TUBA4B: variants seen among roughly 807,000 people sequenced by gnomAD.
TUBA4B encodes the protein tubulin-like protein alpha-4B.
In TUBA4B, 13 loss-of-function variants were observed where a neutral mutation model predicts 18.4. That is an observed-to-expected ratio of 0.71 (90% confidence interval 0.46 to 1.12). TUBA4B has a LOEUF of 1.12. Among genes scored for constraint, TUBA4B ranks in the 50% most tolerant of loss-of-function variants. The pLI, the probability that TUBA4B is intolerant of heterozygous loss-of-function variation, is 0.00. For missense variants in TUBA4B, 244 were observed against 250.0 expected, an observed-to-expected ratio of 0.98 and a Z score of 0.16; for synonymous variants, 101 against 99.1, an observed-to-expected ratio of 1.02 and a Z score of -0.11.
At position 219,271,299 on chromosome 2, in the gene TUBA4B, C is replaced by T. The variant is rs1413833789; in HGVS notation, c.326C>T (p.Ser109Phe). The T allele has an allele frequency of 1.9e-6, 3 of 1,566,738 alleles. No individual in the cohort carries two copies. Among genetic ancestry groups the T allele is most frequent in the South Asian group, 2.2e-5 (2 of 90,126 alleles). The change falls in exon 4 of 4, where the codon TCC becomes TTC. Residue 109 changes from serine (S) to phenylalanine (F), a missense_variant. Coordinates refer to ENST00000490341, the MANE Select transcript of TUBA4B (RefSeq NM_001355221.1). ...NYGKKSKLGF[S>F]IYPAPQVSTA... Reference sequence around the variant, plus strand: ...GGCAAGAAATCCAAGCTGGGATTCTCCATCTACCCAGCCCCCCAGGTGTCT... The same window carrying T: ...GGCAAGAAATCCAAGCTGGGATTCTTCATCTACCCAGCCCCCCAGGTGTCT...
At chr2:219,270,113 T>C in intron 2 of TUBA4B, 89 bp from the exon 3 acceptor site, 1 of 660,426 alleles carries the variant, frequency 1.5e-6, no homozygotes, top group East Asian at 2.7e-5. Flanking sequence ...GTGACCCCAC[T>C]CCCTTCAGGT....
intron 1 of TUBA4B, among the ~76,000 whole-genome samples, chr2:219,262,625 A>G (rs1430754192): frequency 6.6e-6 from 1 of 152,130 alleles, no homozygotes; most frequent in East Asian, 1.9e-4. Flanking sequence ...CTCCCTCCTC[A>G]GCCTCCCAAG....
In TUBA4B at chr2:219,271,824, C is replaced by G. The variant is rs907252919; in HGVS notation, c.*125C>G. On this transcript the variant is annotated 3_prime_UTR_variant, in exon 4 of 4. Transcript: ENST00000490341. ...CCAAGTGCAGCATTCAGTTTGTGGA[C>G]TGGTGCCCCACAGGCTTTAAGGTTG... 27 of 1,584,626 alleles carry G rather than the reference C, an allele frequency of 1.7e-5. No homozygotes were observed. Among genetic ancestry groups the G allele is most frequent in the Non-Finnish European group, 2.3e-5 (27 of 1,153,270 alleles).
At chr2:219,263,735 T>C (rs945555015) in intron 1 of TUBA4B, among the ~76,000 whole-genome samples, 9 of 152,226 alleles carry the variant, frequency 5.9e-5, no homozygotes, top group Non-Finnish European at 1.3e-4. Flanking sequence ...GGTCTCTTCT[T>C]TGGGCCTCTT....
chr2:219,253,559 TCATA>T (rs1349611691), intron 1 of TUBA4B, 140 bp downstream of exon 1: 2 of 778,234 alleles, frequency 2.6e-6, no homozygotes, highest in Admixed American at 2.1e-5. Flanking sequence ...CGCGTGACTC[TCATA>T]CAGAGTCGGG....
chr2:219,266,539 C>T lies in TUBA4B; in HGVS notation c.31C>T (p.Pro11Ser). The T allele has an allele frequency of 1.4e-6, 1 of 703,000 alleles. No individual in the cohort carries two copies. Among genetic ancestry groups the T allele is most frequent in the Non-Finnish European group, 2.6e-6 (1 of 384,980 alleles). 43.5% of individuals were successfully genotyped at this position (703,000 alleles called of 1,614,324 possible). The change falls in exon 2 of 4, where the codon CCC becomes TCC. Residue 11 changes from proline (P) to serine (S), a missense_variant. Pro to Ser is a moderately conservative substitution (Grantham distance 74). Coordinates refer to ENST00000490341, the MANE Select transcript of TUBA4B (RefSeq NM_001355221.1). ...CCTGCAGCAGACAGAGAGACAAGAC[C>T]CCAGCCAGCCCCTGTCCAGGCAGCA... The part of the protein sequence containing the change: MRHQQTERQD[P>S]SQPLSRQHGT...
At chr2:219,258,287 G>A (rs1254963947) in intron 1 of TUBA4B, among the ~76,000 whole-genome samples, 1 of 151,498 alleles carries the variant, frequency 6.6e-6, no homozygotes, top group Non-Finnish European at 1.5e-5. Context: ...CACCATACCT[G>A]GCCTCATTTT....
At chr2:219,254,544 G>T (rs1195095353) in intron 1 of TUBA4B, 1 of 152,334 alleles carries the variant, frequency 6.6e-6, no homozygotes, top group African/African-American at 2.4e-5. Flanking sequence ...CAGCCTGTCT[G>T]CCGGGGCCGA....
At chr2:219,264,550 G>A (rs780373496) in intron 1 of TUBA4B, among the ~76,000 whole-genome samples, 118 of 152,124 alleles carry the variant, frequency 7.8e-4, no homozygotes, top group Non-Finnish European at 1.5e-3. Flanking sequence ...CGGTGGGGCT[G>A]TTATGAGGTA....
chr2:219,259,109 C>T (rs905364466), intron 1 of TUBA4B, among the ~76,000 whole-genome samples: 1 of 147,578 alleles, frequency 6.8e-6, no homozygotes, highest in Non-Finnish European at 1.5e-5. Context: ...GGTGAAACCT[C>T]GTCTCTACTA....
At chr2:219,265,620 G>C (rs1951785144) in intron 1 of TUBA4B, among the ~76,000 whole-genome samples, 1 of 151,852 alleles carries the variant, frequency 6.6e-6, no homozygotes, top group South Asian at 2.1e-4. Flanking sequence ...CTGGGCAACA[G>C]AGCAAGACTC....
In TUBA4B at chr2:219,253,354, C is replaced by CGGG. The variant is rs60456844; in HGVS notation, c.-46_-44dup. The CGGG allele has an allele frequency of 1.8e-3, 2,350 of 1,299,018 alleles. No individual in the cohort carries two copies. The highest frequency in any genetic ancestry group is 0.012 in the South Asian group (862 of 71,760). 80.5% of individuals were successfully genotyped at this position (1,299,018 alleles called of 1,614,324 possible). A position where few individuals can be genotyped will look rare whatever the true frequency, so the allele number is the denominator to read the frequency against. The stretch of plus-strand genomic sequence containing the variant: ...AGCTCAGACGCGGGGTGCTGAGTCA[C>CGGG]GGGGGGGGGGTGGTTCTGTGGATAG... On this transcript the variant is annotated 5_prime_UTR_variant, in exon 1 of 4. Transcript: ENST00000490341.
intron 1 of TUBA4B, among the ~76,000 whole-genome samples, chr2:219,262,929 T>C (rs888970566): frequency 6.6e-6 from 1 of 151,996 alleles, no homozygotes; most frequent in African/African-American, 2.4e-5. Context: ...TAATCCCAGC[T>C]ACCTGGGAGG....
intron 3 of TUBA4B, among the ~76,000 whole-genome samples, chr2:219,270,776 G>A (rs1951820231): frequency 2.0e-5 from 3 of 150,548 alleles, no homozygotes. Context: ...TCTTAGTAGA[G>A]AAACCCTCTA....
chr2:219,266,378 CTG>C (rs1574893414), intron 1 of TUBA4B, 141 bp from the exon 2 acceptor site: 1 of 607,846 alleles, frequency 1.6e-6, no homozygotes, highest in Non-Finnish European at 3.0e-6. Flanking sequence ...GCCTCGTACT[CTG>C]TGACCAAGTC....
At chr2:219,255,269 G>A (rs1951708419) in intron 1 of TUBA4B, among the ~76,000 whole-genome samples, 1 of 152,102 alleles carries the variant, frequency 6.6e-6, no homozygotes, top group South Asian at 2.1e-4. Context: ...ATGGAGTTTC[G>A]CTCTTGTTGC....
intron 2 of TUBA4B, 61 bp downstream of exon 2, chr2:219,266,627 A>G (rs1951791821): frequency 7.1e-6 from 5 of 700,052 alleles, no homozygotes; most frequent in Non-Finnish European, 1.3e-5. Flanking sequence ...TGGGCCCAAG[A>G]TATCTGGCGT....
chr2:219,267,107 G>T (rs1470696394), intron 2 of TUBA4B, among the ~76,000 whole-genome samples: 1 of 152,146 alleles, frequency 6.6e-6, no homozygotes, highest in African/African-American at 2.4e-5. Context: ...GGAAAAGGGG[G>T]TGCTCCCATC....
intron 1 of TUBA4B, among the ~76,000 whole-genome samples, chr2:219,257,340 CTTTT>C (rs768367065): frequency 1.1e-5 from 1 of 92,612 alleles, no homozygotes. Context: ...TGCGCCCAGC[CTTTT>C]TTTTTTTTTT....
Sources: allele counts gnomAD v4.1 joint callset (sites outside exome capture counted in the v4.1 genomes callset), GRCh38; gene constraint gnomAD v4.1.1; transcripts MANE v1.5; gene names NCBI Gene and HGNC (gene_info 2026-07-23, HGNC 2026-07-21).